RAD52: variants seen among roughly 807,000 people sequenced by gnomAD.
RAD52 encodes DNA repair protein RAD52 homolog.
Under a neutral mutation model 55.5 loss-of-function variants are expected in RAD52, and 47 were observed. The ratio of observed to expected loss-of-function variants is 0.85; its 90% CI spans 0.67 to 1.08. The LOEUF is 1.08. RAD52 is among the 50% of genes least tolerant of loss of function. The pLI is 0.00. For synonymous variants in RAD52, 184 were observed against 198.9 expected (o/e 0.92, Z 0.63); for missense variants, 468 against 522.8 (o/e 0.90, Z 1.02).
At chr12:934,661 G>A (rs1957520119) in intron 1 of RAD52, among the ~76,000 whole-genome samples, 3 of 152,096 alleles carry the variant, frequency 2.0e-5, no homozygotes, top group Admixed American at 2.0e-4. Flanking sequence ...CTGGGAGGTG[G>A]TGGATATGTG....
intron 5 of RAD52, chr12:929,543 AT>A (rs1406786357): frequency 4.2e-5 from 27 of 645,080 alleles, no homozygotes; most frequent in Middle Eastern, 6.0e-4. Context: ...AAAATGTCAG[AT>A]TTTACCATAT....
intron 6 of RAD52, 99 bp downstream of exon 6, chr12:927,046 T>G (rs904250665): frequency 5.9e-6 from 9 of 1,519,766 alleles, no homozygotes; most frequent in Non-Finnish European, 7.2e-6. Flanking sequence ...CTTGGATTTT[T>G]GAACCATGTG....
chr12:953,988 C>A (rs1958570781), upstream of RAD52, among the ~76,000 whole-genome samples: 1 of 152,162 alleles, frequency 6.6e-6, no homozygotes, highest in Non-Finnish European at 1.5e-5. Context: ...CCTGTATGTC[C>A]ACACCCCTGC....
intron 9 of RAD52, among the ~76,000 whole-genome samples, chr12:915,549 G>A (rs1421340534): frequency 6.6e-6 from 1 of 152,150 alleles, no homozygotes; most frequent in Non-Finnish European, 1.5e-5. Flanking sequence ...AGAACAGGTG[G>A]GGAGACAGAG....
intron 1 of RAD52, among the ~76,000 whole-genome samples, chr12:940,282 A>T (rs1957853935): frequency 6.6e-6 from 1 of 151,628 alleles, no homozygotes; most frequent in Non-Finnish European, 1.5e-5. Context: ...CCTTCTGGGA[A>T]GAAGGAGAAA....
intron 1 of RAD52, among the ~76,000 whole-genome samples, chr12:969,602 C>T (rs531349974): frequency 1.3e-5 from 2 of 151,632 alleles, no homozygotes; most frequent in East Asian, 3.9e-4. Context: ...GCCTGGGCAA[C>T]ACAGGGAGCC....
chr12:979,996 G>A (rs1325314613), intron 1 of RAD52, among the ~76,000 whole-genome samples: 1 of 152,022 alleles, frequency 6.6e-6, no homozygotes, highest in Admixed American at 6.6e-5. Flanking sequence ...GCAATGGGCC[G>A]AGATCGTGCC....
At chr12:963,418 A>T (rs959427606) in intron 1 of RAD52, among the ~76,000 whole-genome samples, 1 of 152,242 alleles carries the variant, frequency 6.6e-6, no homozygotes, top group African/African-American at 2.4e-5. Context: ...TCCAGGAGAC[A>T]GAGACATGAT....
intron 1 of RAD52, among the ~76,000 whole-genome samples, chr12:973,620 G>A (rs1483054584): frequency 6.6e-6 from 1 of 151,742 alleles, no homozygotes; most frequent in African/African-American, 2.4e-5. Context: ...TGGGACTACA[G>A]GCATGTGCCA....
chr12:989,560 CAAAAAATAAAAAACA>C (rs913338531), intron 1 of RAD52, among the ~76,000 whole-genome samples: 37 of 152,002 alleles, frequency 2.4e-4, no homozygotes, highest in African/African-American at 8.7e-4. Context: ...AGTGTGGTGG[CAAAAAATAAAAAACA>C]AAAATCTGAA....
intron 1 of RAD52, among the ~76,000 whole-genome samples, chr12:986,037 T>G (rs1959082430): frequency 6.7e-6 from 1 of 149,828 alleles, no homozygotes; most frequent in Non-Finnish European, 1.5e-5. Context: ...CAGGTTCAAG[T>G]GATTCTCCTG....
chr12:916,741 C>T lies in RAD52; in HGVS notation c.623G>A (p.Cys208Tyr), dbSNP rs1021763017. 7 of 1,614,082 alleles carry T rather than the reference C, an allele frequency of 4.3e-6. No individual in the cohort carries two copies. Among genetic ancestry groups the T allele is most frequent in the Non-Finnish European group, 5.9e-6 (7 of 1,180,046 alleles). The part of the protein sequence containing the change: ...PSVEEARYNS[C>Y]RPNMALGHPQ... ...GTGTCCCAGGGCCATGTTCGGTCGG[C>T]AGCTGTTGTATCTTGCCTCCTCCAC... The change falls in exon 8 of 12, where the codon TGC becomes TAC. Residue 208 changes from cysteine (C) to tyrosine (Y), a missense_variant. Physicochemically the swap from Cys to Tyr is radical, Grantham distance 194. Coordinates refer to ENST00000358495, the MANE Select transcript of RAD52 (RefSeq NM_134424.4).
At chr12:961,921 G>A (rs190795072) in intron 1 of RAD52, among the ~76,000 whole-genome samples, 186 of 152,144 alleles carry the variant, frequency 1.2e-3, no homozygotes, top group Non-Finnish European at 2.2e-3. Flanking sequence ...TCACACAGTG[G>A]AAAAGCCATG....
chr12:935,853 CAAAAAAATAAAT>C (rs753258462), intron 1 of RAD52, among the ~76,000 whole-genome samples: 20,482 of 142,924 alleles, frequency 0.14, 1,583 homozygotes, highest in East Asian at 0.35. Flanking sequence ...AACTCCGTCT[CAAAAAAATAAAT>C]AAATAAATAA....
intron 1 of RAD52, among the ~76,000 whole-genome samples, chr12:965,889 T>C (rs1592479439): frequency 2.0e-5 from 3 of 152,082 alleles, no homozygotes; most frequent in African/African-American, 4.8e-5. Flanking sequence ...GTTTCGCCTG[T>C]TGGCCAGGCT....
chr12:937,835 G>C (rs1159737912), intron 1 of RAD52, among the ~76,000 whole-genome samples: 1 of 152,120 alleles, frequency 6.6e-6, no homozygotes, highest in Non-Finnish European at 1.5e-5. Context: ...CTTTGCACCT[G>C]TTTATGGCAA....
intron 10 of RAD52, 146 bp downstream of exon 10, chr12:914,285 C>G (rs902432675): frequency 7.4e-7 from 1 of 1,348,190 alleles, no homozygotes; most frequent in African/African-American, 1.5e-5. Context: ...TTGGTTAGGA[C>G]CAAAGAGGAA....
chr12:948,844 C>T lies in RAD52; in HGVS notation c.-19+758G>A, dbSNP rs1958404890. Among the ~76,000 whole-genome samples the T allele has an allele frequency of 2.0e-5, 3 of 151,992 alleles. No homozygotes were observed. The East Asian group carries it at 5.9e-4, about 30-fold the overall frequency. The stretch of plus-strand genomic sequence containing the variant: ...CCTCCCGAGTAGCGGGGATTACAGG[C>T]GCCCGCCACCAGGCCTGCCTAGTTT... On this transcript the variant is annotated intron_variant, in intron 1 of 11. Coordinates refer to ENST00000358495, the MANE Select transcript of RAD52 (RefSeq NM_134424.4).
intron 1 of RAD52, among the ~76,000 whole-genome samples, chr12:957,237 C>T (rs1398726988): frequency 6.6e-6 from 1 of 151,946 alleles, no homozygotes; most frequent in Non-Finnish European, 1.5e-5. Context: ...GCAGGTGGAT[C>T]ATCTGAGGTC....
Sources: gnomAD v4.1 joint callset for allele counts (sites outside exome capture counted in the v4.1 genomes callset) on GRCh38, gnomAD v4.1.1 for gene constraint, MANE v1.5 for transcripts, NCBI Gene and HGNC (gene_info 2026-07-23, HGNC 2026-07-21) for gene names.